Variants in PDLIM3 observed in about 807,000 individuals in gnomAD.
PDLIM3 encodes the protein PDZ and LIM domain 3.
Under a neutral mutation model 37.3 loss-of-function variants are expected in PDLIM3, and 36 were observed. The observed-to-expected ratio is 0.97, with a 90% CI of 0.74 to 1.28. The LOEUF (loss-of-function observed/expected upper bound fraction) is 1.28, where lower values mean the gene tolerates loss of function less well. Among genes scored for constraint, PDLIM3 ranks in the 50% most tolerant of loss-of-function variants. The pLI is 0.00. For missense variants in PDLIM3, 454 were observed against 485.0 expected (o/e 0.94, Z 0.60); for synonymous variants, 174 against 182.4 (o/e 0.95, Z 0.37).
intron 6 of PDLIM3, among the ~76,000 whole-genome samples, chr4:185,505,713 T>C (rs111241802): frequency 0.032 from 4,882 of 152,232 alleles, 261 homozygotes; most frequent in African/African-American, 0.11. Context: ...CTGGATCACA[T>C]GGTAATTCTG....
At chr4:185,519,175 C>T (rs913310696) in intron 3 of PDLIM3, among the ~76,000 whole-genome samples, 3 of 152,176 alleles carry the variant, frequency 2.0e-5, no homozygotes, top group Non-Finnish European at 4.4e-5. Flanking sequence ...GGCATTTATT[C>T]AGGTGCTGGG....
At chr4:185,503,696 C>T (rs930277433) in intron 7 of PDLIM3, among the ~76,000 whole-genome samples, 3 of 152,208 alleles carry the variant, frequency 2.0e-5, no homozygotes, top group Non-Finnish European at 4.4e-5. Flanking sequence ...ACTTGTAATC[C>T]CAGCACTTTG....
At position 185,514,938 on chromosome 4, in the gene PDLIM3, C is replaced by T. The variant is rs1336920577; in HGVS notation, c.331-601G>A. The T allele has an allele frequency of 6.8e-7, 1 of 1,462,788 alleles. No individual in the cohort carries two copies. Among genetic ancestry groups the T allele is most frequent in the Non-Finnish European group, 9.2e-7 (1 of 1,088,700 alleles). 90.6% of individuals were successfully genotyped at this position (1,462,788 alleles called of 1,614,324 possible). ...CACAGCCACACAGCGCACAAGAAAG[C>T]CATTAGTGAGCGAAACCAACAGCAT... is the stretch of plus-strand genomic sequence containing the variant. On this transcript the variant is annotated intron_variant, in intron 3 of 7. Transcript: ENST00000284767. This position sits in a 1 kb window ranked among gnomAD's most constrained non-coding sequence, Gnocchi z 4.0.
intron 4 of PDLIM3, chr4:185,513,442 T>G: frequency 1.1e-6 from 1 of 934,124 alleles, no homozygotes; most frequent in Non-Finnish European, 1.3e-6. Context: ...ATGGGCCGTG[T>G]CTCACACACT....
At chr4:185,512,093 C>CT (rs34062194) in intron 4 of PDLIM3, 71,839 of 121,300 alleles carry the variant, frequency 0.59, 22,350 homozygotes, top group Non-Finnish European at 0.66. Flanking sequence ...TCTTATAATT[C>CT]TTTTTTTTTT....
Position 185,525,814 on chromosome 4 carries a change from A to G in PDLIM3, c.94-643T>C, listed in dbSNP as rs577625609. On this transcript the variant is annotated intron_variant, in intron 1 of 7. Coordinates refer to ENST00000284767, the MANE Select transcript of PDLIM3 (RefSeq NM_014476.6). The stretch of plus-strand genomic sequence containing the variant: ...CCTCCAATAAGGAGGAAACAATAAC[A>G]AGTGAGGTGTCTGCAACCCAGAAGA... 1.7e-3 allele frequency among the ~76,000 whole-genome samples: 257 copies of G among 152,280 alleles called. 1 individual carries two copies. Among genetic ancestry groups the G allele is most frequent in the Non-Finnish European group, 2.8e-3 (190 of 68,018 alleles).
rs200663921 is a variant in PDLIM3 at position 185,514,353 on chromosome 4, G to A, written c.331-16C>T. 428 of 1,614,028 alleles carry A rather than the reference G, an allele frequency of 2.7e-4. 1 individual carries two copies. The highest frequency in any genetic ancestry group is 2.0e-4 in the Admixed American group (12 of 59,998). ...AGTTCCCGTCCTGTGAAAACAAAGC[G>A]TTAAAAAGGCCCTCAGTGGAAGGCG... On this transcript the variant is annotated splice_polypyrimidine_tract_variant and intron_variant, in intron 3 of 7. Coordinates refer to ENST00000284767, the MANE Select transcript of PDLIM3 (RefSeq NM_014476.6). The surrounding 1 kb of genome is among the most constrained non-coding windows in gnomAD (Gnocchi z 4.0).
Position 185,523,361 on chromosome 4 carries a change from C to G in PDLIM3, c.330+1G>C. ...TGTATCATTTGCTCTAAAACGCATA[C>G]CTGTGGTTCTGATTCTAAGTTGATT... On this transcript the variant is annotated splice_donor_variant, in intron 3 of 7. Coordinates refer to ENST00000284767, the MANE Select transcript of PDLIM3 (RefSeq NM_014476.6). LOFTEE classifies it high-confidence loss of function. The G allele has an allele frequency of 1.3e-6, 2 of 1,597,802 alleles. No homozygotes were observed. Among genetic ancestry groups the G allele is most frequent in the Admixed American group, 3.3e-5 (2 of 59,986 alleles).
At chr4:185,523,559 G>T in intron 2 of PDLIM3, 113 bp from the exon 3 acceptor site, 3 of 576,328 alleles carry the variant, frequency 5.2e-6, no homozygotes, top group East Asian at 3.1e-5. Flanking sequence ...ACTAACTTAT[G>T]CAAAAACAAT....
Position 185,506,681 on chromosome 4 carries a change from G to A in PDLIM3, c.663-29C>T, listed in dbSNP as rs774957916. 1.5e-5 allele frequency: 24 copies of A among 1,599,858 alleles called. No individual in the cohort carries two copies. The South Asian group carries it at 1.8e-4, about 12-fold the overall frequency. On this transcript the variant is annotated intron_variant, in intron 5 of 7. Coordinates refer to ENST00000284767, the MANE Select transcript of PDLIM3 (RefSeq NM_014476.6). ...AAACACAGGCACGGCGGGGAGCATC[G>A]TCAGGTGCTGGGAGGCACCAGACGT...
intron 1 of PDLIM3, among the ~76,000 whole-genome samples, chr4:185,530,754 C>T (rs933136912): frequency 3.3e-5 from 5 of 152,148 alleles, no homozygotes; most frequent in African/African-American, 7.2e-5. Context: ...CCACCTGGGT[C>T]ATGGATCATC....
rs538708947 is a variant in PDLIM3, at chr4:185,503,179, G to C, written c.906-696C>G. Among the ~76,000 whole-genome samples, 73 of 152,092 alleles carry C rather than the reference G, an allele frequency of 4.8e-4. 1 individual carries two copies. The highest frequency in any genetic ancestry group is 8.1e-4 in the Non-Finnish European group (55 of 68,018). ...GCGGAGGTTGCAGTGAGCCGAGATC[G>C]CGCCACTGCACTCCAGCCTGGGCGA... On this transcript the variant is annotated intron_variant, in intron 7 of 7. Coordinates refer to ENST00000284767, the MANE Select transcript of PDLIM3 (RefSeq NM_014476.6).
chr4:185,500,693 T>A lies in PDLIM3; in HGVS notation c.*1601A>T, dbSNP rs912370581. ...ATCTCAAAAGTCTGTTTTATTTTTTTAATAGCTTTGTTAGTGAATGCATGT... is the reference window on the plus strand; with the variant it reads ...ATCTCAAAAGTCTGTTTTATTTTTTAAATAGCTTTGTTAGTGAATGCATGT... On this transcript the variant is annotated 3_prime_UTR_variant, in exon 8 of 8. Transcript: ENST00000284767. 1 of 152,220 alleles carries A rather than the reference T, an allele frequency of 6.6e-6. No homozygotes were observed. Among genetic ancestry groups the A allele is most frequent in the Non-Finnish European group, 1.5e-5 (1 of 68,036 alleles). 9.4% of individuals were successfully genotyped at this position (152,220 alleles called of 1,614,324 possible).
intron 4 of PDLIM3, chr4:185,513,570 C>T (rs2095710023): frequency 1.0e-6 from 1 of 984,804 alleles, no homozygotes; most frequent in Non-Finnish European, 1.2e-6. Context: ...TGAAATAAAT[C>T]CACCTATGGG....
Position 185,514,060 on chromosome 4 carries a change from G to A in PDLIM3, c.398+210C>T. 6.9e-7 allele frequency: 1 copy of A among 1,452,782 alleles called. No homozygotes were observed. The highest frequency in any genetic ancestry group is 1.4e-5 in the South Asian group (1 of 70,776). The allele number at this position is 1,452,782 out of a possible 1,614,324, so 90.0% of individuals were successfully genotyped here. On this transcript the variant is annotated intron_variant, in intron 4 of 7. Transcript: ENST00000284767. This position sits in a 1 kb window ranked among gnomAD's most constrained non-coding sequence, Gnocchi z 4.0. Reference sequence around the variant, plus strand: ...CGTGGTGATTGCATACAATTTCACAGCTCTGTCATCTTGTCAATATTTACT... The same window carrying A: ...CGTGGTGATTGCATACAATTTCACAACTCTGTCATCTTGTCAATATTTACT...
In PDLIM3 at chr4:185,525,016, G is replaced by C. The variant is rs1453284538; in HGVS notation, c.245+4C>G. On this transcript the variant is annotated splice_donor_region_variant and intron_variant, in intron 2 of 7. Transcript: ENST00000284767. The stretch of plus-strand genomic sequence containing the variant: ...AGATTTAAGCACCATTAGTTAAGAA[G>C]CACCTGTCAATTTTGAGACACAGCT... The C allele has an allele frequency of 6.2e-7, 1 of 1,613,880 alleles. No individual in the cohort carries two copies. The highest frequency in any genetic ancestry group is 1.1e-5 in the South Asian group (1 of 91,082).
Position 185,514,553 on chromosome 4 carries a change from C to T in PDLIM3, c.331-216G>A. 1.6e-6 allele frequency: 2 copies of T among 1,233,084 alleles called. No homozygotes were observed. The highest frequency in any genetic ancestry group is 2.3e-6 in the Non-Finnish European group (2 of 884,214). 76.4% of individuals were successfully genotyped at this position (1,233,084 alleles called of 1,614,324 possible). On this transcript the variant is annotated intron_variant, in intron 3 of 7. Transcript: ENST00000284767. The surrounding 1 kb of genome is among the most constrained non-coding windows in gnomAD (Gnocchi z 4.0). ...GGATTGGACCCCACAACAATTAGAA[C>T]ATGTTTTAGATGCTTGTCTTTAAAA...
chr4:185,528,387 T>C (rs550193287), intron 1 of PDLIM3, among the ~76,000 whole-genome samples: 1 of 152,362 alleles, frequency 6.6e-6, no homozygotes, highest in African/African-American at 2.4e-5. Flanking sequence ...AATGAATAAC[T>C]ATTGGATATC....
chr4:185,526,436 T>C (rs1407839018), intron 1 of PDLIM3, among the ~76,000 whole-genome samples: 5 of 152,250 alleles, frequency 3.3e-5, no homozygotes, highest in African/African-American at 1.2e-4. Flanking sequence ...AATTTTATGC[T>C]GTCCACATGT....
Sources: allele counts gnomAD v4.1 joint callset (sites outside exome capture counted in the v4.1 genomes callset), GRCh38; gene constraint gnomAD v4.1.1; non-coding constraint Gnocchi (gnomAD v3.1); transcripts MANE v1.5; gene names NCBI Gene and HGNC (gene_info 2026-07-23, HGNC 2026-07-21).